ZNF385D: variants seen among roughly 807,000 people sequenced by gnomAD.
ZNF385D encodes the protein zinc finger protein 385D.
Under a neutral mutation model 35.8 loss-of-function variants are expected in ZNF385D, and 15 were observed. The ratio of observed to expected loss-of-function variants is 0.42; its 90% confidence interval spans 0.28 to 0.64. ZNF385D has a LOEUF of 0.64. Among genes scored for constraint, ZNF385D ranks in the 30% least tolerant of loss-of-function variants. The pLI, the probability that ZNF385D is intolerant of heterozygous loss-of-function variation, is 0.23. For synonymous variants in ZNF385D, 212 were observed against 186.8 expected (o/e 1.13, Z -1.10); for missense variants, 474 against 494.6 (o/e 0.96, Z 0.39).
At chr3:21,891,520 G>A (rs1263317217) in intron 3 of ZNF385D, among the ~76,000 whole-genome samples, 1 of 152,050 alleles carries the variant, frequency 6.6e-6, no homozygotes, top group Non-Finnish European at 1.5e-5. Context: ...TTTTTCCTCA[G>A]AGGTAAATGA....
intron 2 of ZNF385D, among the ~76,000 whole-genome samples, chr3:22,294,462 C>T (rs9856840): frequency 0.13 from 19,340 of 151,902 alleles, 2,462 homozygotes; most frequent in African/African-American, 0.33. Context: ...GCATATTTAT[C>T]GTATATAATA....
At chr3:22,131,426 G>A (rs1034440743) in intron 3 of ZNF385D, among the ~76,000 whole-genome samples, 3 of 152,114 alleles carry the variant, frequency 2.0e-5, no homozygotes, top group Non-Finnish European at 2.9e-5. Flanking sequence ...TCTATAAGGG[G>A]AAAAGGAATA....
chr3:22,130,532 C>G (rs1576370830), intron 3 of ZNF385D, among the ~76,000 whole-genome samples: 1 of 152,134 alleles, frequency 6.6e-6, no homozygotes, highest in South Asian at 2.1e-4. Flanking sequence ...TTCCTCCAAG[C>G]TGGCCAAATC....
intron 3 of ZNF385D, among the ~76,000 whole-genome samples, chr3:21,542,358 T>TTC (rs56387745): frequency 3.3e-5 from 5 of 150,838 alleles, no homozygotes; most frequent in Non-Finnish European, 5.9e-5. Flanking sequence ...TTTTTTTTTT[T>TTC]CCCAGAGATG....
chr3:21,502,292 G>T (rs1422228022), intron 4 of ZNF385D, among the ~76,000 whole-genome samples: 1 of 152,180 alleles, frequency 6.6e-6, no homozygotes, highest in Non-Finnish European at 1.5e-5. Flanking sequence ...TCTTTCGAGG[G>T]TCCATTTATT....
intron 2 of ZNF385D, among the ~76,000 whole-genome samples, chr3:22,192,252 T>G (rs1696104845): frequency 6.6e-6 from 1 of 152,176 alleles, no homozygotes; most frequent in Admixed American, 6.6e-5. Context: ...TCCCCTCATT[T>G]GCAAGCTGAG....
intron 3 of ZNF385D, among the ~76,000 whole-genome samples, chr3:22,057,006 C>G (rs556967470): frequency 1.3e-5 from 2 of 152,350 alleles, no homozygotes; most frequent in Admixed American, 1.3e-4. Flanking sequence ...GGAATATATA[C>G]TCCGTTTTCC....
chr3:22,094,497 T>C (rs775277244), intron 3 of ZNF385D, among the ~76,000 whole-genome samples: 1 of 143,088 alleles, frequency 7.0e-6, no homozygotes, highest in African/African-American at 2.6e-5. Flanking sequence ...GTAACTCCCA[T>C]GAAATAGAAA....
chr3:21,968,983 A>C (rs1447294318), intron 3 of ZNF385D, among the ~76,000 whole-genome samples: 6 of 152,126 alleles, frequency 3.9e-5, no homozygotes, highest in African/African-American at 1.4e-4. Context: ...GCCAGAGGAG[A>C]ACCCATTCTC....
At chr3:21,765,633 G>A (rs2070794013) in intron 3 of ZNF385D, among the ~76,000 whole-genome samples, 1 of 130,098 alleles carries the variant, frequency 7.7e-6, no homozygotes, top group Non-Finnish European at 1.7e-5. Flanking sequence ...AGATGGATAA[G>A]CAACAACAAC....
intron 3 of ZNF385D, among the ~76,000 whole-genome samples, chr3:21,910,193 G>A (rs1265673494): frequency 6.6e-6 from 1 of 151,776 alleles, no homozygotes; most frequent in Non-Finnish European, 1.5e-5. Context: ...ATAGCTATGT[G>A]ACTCTTGGGC....
chr3:21,981,008 A>T (rs765273583), intron 3 of ZNF385D, among the ~76,000 whole-genome samples: 3 of 152,092 alleles, frequency 2.0e-5, no homozygotes, highest in Non-Finnish European at 4.4e-5. Context: ...TGCTATTGTG[A>T]ATAGTGCTGT....
chr3:22,036,856 T>A (rs1417299190), intron 3 of ZNF385D, among the ~76,000 whole-genome samples: 3 of 87,040 alleles, frequency 3.4e-5, no homozygotes, highest in Admixed American at 1.4e-4. Context: ...ATGCTATCCC[T>A]CCCCCCTCCC....
intron 2 of ZNF385D, among the ~76,000 whole-genome samples, chr3:21,565,404 T>G (rs1031760202): frequency 6.6e-6 from 1 of 151,994 alleles, no homozygotes; most frequent in Non-Finnish European, 1.5e-5. Flanking sequence ...TCACCAGGCT[T>G]TTGTCCTATG....
intron 3 of ZNF385D, among the ~76,000 whole-genome samples, chr3:22,165,255 G>C (rs575029496): frequency 2.6e-5 from 4 of 152,302 alleles, no homozygotes; most frequent in Admixed American, 6.5e-5. Flanking sequence ...GTGTGAAGGA[G>C]GGGATATATG....
At chr3:21,680,936 A>G (rs960942742) in intron 1 of ZNF385D, among the ~76,000 whole-genome samples, 1 of 152,146 alleles carries the variant, frequency 6.6e-6, no homozygotes, top group African/African-American at 2.4e-5. Flanking sequence ...TTACATCGCA[A>G]TGTTACACAC....
At chr3:22,286,905 G>T (rs1702053292) in intron 2 of ZNF385D, among the ~76,000 whole-genome samples, 1 of 152,084 alleles carries the variant, frequency 6.6e-6, no homozygotes, top group Admixed American at 6.6e-5. Context: ...GCTGTAAAGT[G>T]TAGTCCAAGT....
At chr3:21,647,898 G>T (rs114497465) in intron 2 of ZNF385D, among the ~76,000 whole-genome samples, 6 of 151,994 alleles carry the variant, frequency 3.9e-5, no homozygotes, top group Admixed American at 1.3e-4. Context: ...AAGAAAAATG[G>T]TATAAACGTC....
At chr3:21,570,570 T>C (rs73819309) in intron 2 of ZNF385D, among the ~76,000 whole-genome samples, 2,121 of 152,302 alleles carry the variant, frequency 0.014, 48 homozygotes, top group African/African-American at 0.048. Context: ...AAAGGTTGTC[T>C]TTTTCATCTG....
Sources: gnomAD v4.1 joint callset for allele counts (sites outside exome capture counted in the v4.1 genomes callset) on GRCh38, gnomAD v4.1.1 for gene constraint, MANE v1.5 for transcripts, NCBI Gene and HGNC (gene_info 2026-07-23, HGNC 2026-07-21) for gene names.